Variants in FAM186A observed in about 807,000 individuals in gnomAD.
The protein encoded by FAM186A is protein FAM186A.
A neutral mutation model predicts 216.8 loss-of-function variants in FAM186A; 163 were observed. The ratio of observed to expected loss-of-function variants is 0.75; its 90% CI spans 0.66 to 0.86. The LOEUF is 0.86. FAM186A is among the 40% of genes least tolerant of loss of function. The probability of loss-of-function intolerance (pLI) is 0.00; values close to 1 mark genes in which losing one functional copy is unlikely to be tolerated. For synonymous variants in FAM186A, 805 were observed against 1,025.3 expected, an observed-to-expected ratio of 0.79 and a Z score of 4.10; for missense variants, 2,184 against 2,746.2, an observed-to-expected ratio of 0.80 and a Z score of 4.58.
Position 50,353,369 on chromosome 12 carries a change from G to A in FAM186A, c.3463C>T (p.Pro1155Ser), listed in dbSNP as rs1942931358. The change falls in exon 4 of 8, where the codon CCG (proline) becomes TCG (serine). Residue 1155 changes from proline to serine, a missense_variant. Coordinates refer to ENST00000327337, the MANE Select transcript of FAM186A (RefSeq NM_001145475.3). ...ITLTPQQDQA[P>S]GISLTTQQAQ... Reference sequence around the variant, plus strand: ...TGCTGAGTGGTGAGAGAGATCCCCGGGGCCTGGTCCTGCTGAGGGGTGAGA... The same window carrying A: ...TGCTGAGTGGTGAGAGAGATCCCCGAGGCCTGGTCCTGCTGAGGGGTGAGA... 1 of 1,534,908 alleles carries A rather than the reference G, an allele frequency of 6.5e-7. No individual in the cohort carries two copies. The highest frequency in any genetic ancestry group is 1.4e-5 in the African/African-American group (1 of 71,112).
At chr12:50,385,626 C>T (rs902457301) in intron 1 of FAM186A, among the ~76,000 whole-genome samples, 6 of 151,846 alleles carry the variant, frequency 4.0e-5, no homozygotes, top group Non-Finnish European at 5.9e-5. Context: ...ACTTGCCGGG[C>T]GTGGTGGCTC....
intron 2 of FAM186A, among the ~76,000 whole-genome samples, chr12:50,361,226 T>C (rs1384380320): frequency 6.6e-6 from 1 of 152,210 alleles, no homozygotes; most frequent in Non-Finnish European, 1.5e-5. Context: ...TGAGACAGAG[T>C]CTTGCTTTGT....
chr12:50,375,198 C>T (rs991537475), intron 1 of FAM186A, among the ~76,000 whole-genome samples: 22 of 151,602 alleles, frequency 1.5e-4, no homozygotes, highest in African/African-American at 5.3e-4. Context: ...TAAATAAATA[C>T]AAATAAAATA....
Position 50,396,181 on chromosome 12 carries a change from TA to T in FAM186A, c.192+111del, listed in dbSNP as rs1208319656. 7 of 1,046,598 alleles carry T rather than the reference TA, an allele frequency of 6.7e-6. No individual in the cohort carries two copies. In the East Asian group the frequency reaches 1.1e-4, roughly 16 times the overall value. 64.8% of individuals were successfully genotyped at this position (1,046,598 alleles called of 1,614,324 possible). ...TTGTCATTTGAAGTCAAAGCTACCC[TA>T]AATACAGTCAAATATCATGAAAGTG... On this transcript the variant is annotated intron_variant, in intron 1 of 7. Coordinates refer to ENST00000327337, the MANE Select transcript of FAM186A (RefSeq NM_001145475.3).
In FAM186A at chr12:50,392,957, T is replaced by C. The variant is rs1221936367; in HGVS notation, c.192+3336A>G. 4.5e-4 allele frequency among the ~76,000 whole-genome samples: 64 copies of C among 141,926 alleles called. 1 individual carries two copies. The highest frequency in any genetic ancestry group is 7.9e-4 in the Non-Finnish European group (52 of 65,818). 93.1% of individuals were successfully genotyped at this position (141,926 alleles called of 152,430 possible). A position where few individuals can be genotyped will look rare whatever the true frequency, so the allele number is the denominator to read the frequency against. ...TTTTTTTTTTTTTGAGGCGGAGTCT[T>C]GCTCTGTCACCCAGGCTGGAGTGCG... On this transcript the variant is annotated intron_variant, in intron 1 of 7. Coordinates refer to ENST00000327337, the MANE Select transcript of FAM186A (RefSeq NM_001145475.3).
intron 7 of FAM186A, among the ~76,000 whole-genome samples, chr12:50,328,316 G>C (rs1349194819): frequency 6.6e-6 from 1 of 152,104 alleles, no homozygotes; most frequent in Admixed American, 6.6e-5. Context: ...CAAGGTTACA[G>C]TGAGCTATGA....
intron 1 of FAM186A, chr12:50,365,895 A>G (rs966848851): frequency 1.0e-5 from 8 of 762,954 alleles, no homozygotes; most frequent in South Asian, 8.1e-5. Flanking sequence ...TATTATCTAC[A>G]TTGAACGGGT....
intron 1 of FAM186A, among the ~76,000 whole-genome samples, chr12:50,364,108 A>T (rs1943064283): frequency 6.6e-6 from 1 of 152,194 alleles, no homozygotes; most frequent in Non-Finnish European, 1.5e-5. Flanking sequence ...GGTACTAAGG[A>T]ATGCTAGCCC....
Position 50,354,841 on chromosome 12 carries a change from C to T in FAM186A, c.1991G>A (p.Ser664Asn). The change falls in exon 4 of 8, where the codon AGT becomes AAT. Residue 664 changes from serine to asparagine, a missense_variant. By Grantham distance (46) the Ser-to-Asn change is conservative (BLOSUM62 1). Around this residue, in one of 7 missense-constraint regions of FAM186A, gnomAD observed 1,132 missense variants for 1,263.4 expected, o/e 0.90. Transcript: ENST00000327337. Reference protein sequence around the residue: ...TRVLESPDGKSEQSNLEEFQE... With the variant: ...TRVLESPDGKNEQSNLEEFQE... ...AAATTCTTCGAGGTTACTCTGTTCA[C>T]TTTTGCCATCTGGACTTTCTAGAAC... The T allele has an allele frequency of 6.5e-7, 1 of 1,545,430 alleles. No homozygotes were observed. The highest frequency in any genetic ancestry group is 8.7e-7 in the Non-Finnish European group (1 of 1,145,758).
In FAM186A at chr12:50,353,747, ACT is replaced by A; in HGVS notation, c.3083_3084del (p.Glu1028ValfsTer13). The A allele has an allele frequency of 1.3e-6, 2 of 1,549,848 alleles. No homozygotes were observed. The highest frequency in any genetic ancestry group is 1.7e-6 in the Non-Finnish European group (2 of 1,146,524). On this transcript the variant is annotated frameshift_variant, in exon 4 of 8. Transcript: ENST00000327337. LOFTEE classifies it high-confidence loss of function. ...TCTAATGTCTTCAGATTCCTCTGAA[ACT>A]CTTTTCCTTCATATGACCGCTGTAC... ...KDVQRSYEGK[E>X]FQRNLKTLEN...
At position 50,349,848 on chromosome 12, in the gene FAM186A, C is replaced by T. The variant is rs183186613; in HGVS notation, c.6503+481G>A. ...TGAATTTTTTGCAGAGATGGGATTT[C>T]GCCATGTTGGCCAGGCTGGTCTTGA... On this transcript the variant is annotated intron_variant, in intron 4 of 7. Coordinates refer to ENST00000327337, the MANE Select transcript of FAM186A (RefSeq NM_001145475.3). 3.0e-3 allele frequency among the ~76,000 whole-genome samples: 452 copies of T among 152,084 alleles called. 2 individuals carry two copies. The highest frequency in any genetic ancestry group is 9.8e-3 in the African/African-American group (407 of 41,494).
At chr12:50,386,051 C>T (rs932716780) in intron 1 of FAM186A, among the ~76,000 whole-genome samples, 1 of 152,154 alleles carries the variant, frequency 6.6e-6, no homozygotes. Flanking sequence ...ATTTATTATA[C>T]ATCATGATAA....
chr12:50,383,278 A>AAAAAG (rs1555218962), intron 1 of FAM186A, among the ~76,000 whole-genome samples: 4 of 49,244 alleles, frequency 8.1e-5, no homozygotes, highest in African/African-American at 2.1e-4. Context: ...AAAAAAAAAA[A>AAAAAG]AGAGAGAGAG....
In FAM186A at chr12:50,359,603, G is replaced by A. The variant is rs117796324; in HGVS notation, c.583+1153C>T. 1.2e-3 allele frequency among the ~76,000 whole-genome samples: 183 copies of A among 152,100 alleles called. 6 individuals are homozygous for A. The East Asian group carries it at 0.033, about 28-fold the overall frequency. The stretch of plus-strand genomic sequence containing the variant: ...CCCCAAAAAAAATGGGTAAATAATG[G>A]CATTATTTATAAAAGCCCCAAAGTG... On this transcript the variant is annotated intron_variant, in intron 3 of 7. Coordinates refer to ENST00000327337, the MANE Select transcript of FAM186A (RefSeq NM_001145475.3).
intron 1 of FAM186A, among the ~76,000 whole-genome samples, chr12:50,382,652 A>G (rs908773137): frequency 2.0e-5 from 3 of 152,096 alleles, no homozygotes; most frequent in African/African-American, 7.2e-5. Flanking sequence ...GTGAGCTGAG[A>G]TCGTGCCACT....
intron 1 of FAM186A, among the ~76,000 whole-genome samples, chr12:50,395,329 T>G (rs1309686922): frequency 2.0e-5 from 3 of 152,024 alleles, no homozygotes; most frequent in Non-Finnish European, 1.5e-5. Flanking sequence ...GCTCAAGAGA[T>G]CCTCCTGCCT....
intron 4 of FAM186A, among the ~76,000 whole-genome samples, chr12:50,347,456 C>T (rs540537535): frequency 2.0e-5 from 3 of 152,104 alleles, no homozygotes; most frequent in South Asian, 2.1e-4. Context: ...AATAGCTGGG[C>T]GCGGTGGCTC....
At position 50,356,523 on chromosome 12, in the gene FAM186A, C is replaced by G. The variant is rs368387743; in HGVS notation, c.584-275G>C. Among the ~76,000 whole-genome samples, 593 of 152,246 alleles carry G rather than the reference C, an allele frequency of 3.9e-3. 10 individuals carry two copies. Among genetic ancestry groups the G allele is most frequent in the South Asian group, 0.037 (180 of 4,832 alleles). ...AGTGCAGTGGCACGATTACTGCAGC[C>G]TCAACTTCCTTGGCTCAAACAATCC... is the stretch of plus-strand genomic sequence containing the variant. On this transcript the variant is annotated intron_variant, in intron 3 of 7. Transcript: ENST00000327337.
At chr12:50,359,660 T>C (rs111665438) in intron 3 of FAM186A, among the ~76,000 whole-genome samples, 4 of 152,224 alleles carry the variant, frequency 2.6e-5, no homozygotes, top group African/African-American at 7.2e-5. Context: ...AACTGGTGAA[T>C]GGGTAAACAA....
Sources: gnomAD v4.1 joint callset for allele counts (sites outside exome capture counted in the v4.1 genomes callset) on GRCh38, gnomAD v4.1.1 for gene constraint, gnomAD v4.1.1 regional missense constraint, MANE v1.5 for transcripts, NCBI Gene and HGNC (gene_info 2026-07-23, HGNC 2026-07-21) for gene names.